Variants in CNTNAP2 observed in about 807,000 individuals in gnomAD.
CNTNAP2 encodes the protein contactin-associated protein-like 2.
Under a neutral mutation model 155.2 loss-of-function variants are expected in CNTNAP2, and 98 were observed. The observed-to-expected ratio is 0.63, with a 90% confidence interval of 0.54 to 0.75. CNTNAP2 has a LOEUF of 0.75. Ranked by LOEUF, CNTNAP2 falls within the 30% of genes least tolerant of loss-of-function variation. The probability of loss-of-function intolerance (pLI) is 0.00; values close to 1 mark genes in which losing one functional copy is unlikely to be tolerated. For synonymous variants in CNTNAP2, 651 were observed against 631.2 expected, an observed-to-expected ratio of 1.03 and a Z score of -0.47; for missense variants, 1,727 against 1,688.1, an observed-to-expected ratio of 1.02 and a Z score of -0.40.
intron 1 of CNTNAP2, among the ~76,000 whole-genome samples, chr7:146,303,100 GTGTGTGT>G (rs1800641865): frequency 1.3e-5 from 2 of 151,808 alleles, no homozygotes; most frequent in African/African-American, 4.8e-5. Flanking sequence ...GTGTGTGTGT[GTGTGTGT>G]GCGCATGCAT....
chr7:148,341,943 T>A (rs1208074707), intron 21 of CNTNAP2, among the ~76,000 whole-genome samples: 1 of 152,210 alleles, frequency 6.6e-6, no homozygotes, highest in Non-Finnish European at 1.5e-5. Flanking sequence ...AAAGGGAATC[T>A]CTTCCCGAGG....
At chr7:147,759,229 A>G (rs1463923885) in intron 13 of CNTNAP2, among the ~76,000 whole-genome samples, 3 of 152,182 alleles carry the variant, frequency 2.0e-5, no homozygotes, top group African/African-American at 4.8e-5. Flanking sequence ...AATTATGTTC[A>G]ATGTAAAAAT....
At chr7:146,578,806 G>A (rs540342749) in intron 1 of CNTNAP2, among the ~76,000 whole-genome samples, 31 of 152,020 alleles carry the variant, frequency 2.0e-4, no homozygotes, top group Middle Eastern at 3.4e-3. Context: ...TATAACTGTG[G>A]GTTTGTTACT....
rs930275300 is a variant in CNTNAP2 at position 148,261,650 on chromosome 7, C to T, written c.3382-5383C>T. On this transcript the variant is annotated intron_variant, in intron 20 of 23. Transcript: ENST00000361727. The stretch of plus-strand genomic sequence containing the variant: ...TGCTGGGGGAGCGACAGGCTGGCTG[C>T]CCTCTGGAGTGCAGGTGGGGGAGCA... Among the ~76,000 whole-genome samples, 8 of 152,208 alleles carry T rather than the reference C, an allele frequency of 5.3e-5. No individual in the cohort carries two copies. The East Asian group carries it at 5.8e-4, about 11-fold the overall frequency.
intron 3 of CNTNAP2, among the ~76,000 whole-genome samples, chr7:146,901,459 C>G (rs1338104471): frequency 2.6e-5 from 4 of 152,106 alleles, no homozygotes; most frequent in Non-Finnish European, 4.4e-5. Context: ...AATTAAAGAG[C>G]ATTACACTTT....
chr7:147,143,978 T>G (rs930329883), intron 8 of CNTNAP2, among the ~76,000 whole-genome samples: 1 of 152,206 alleles, frequency 6.6e-6, no homozygotes, highest in Admixed American at 6.5e-5. Context: ...TAATTTAGTT[T>G]TATTCTTTTC....
chr7:147,138,365 C>A (rs1454285543), intron 8 of CNTNAP2, among the ~76,000 whole-genome samples: 1 of 151,812 alleles, frequency 6.6e-6, no homozygotes, highest in East Asian at 1.9e-4. Context: ...AAATAAGATA[C>A]CCTTGGACAT....
chr7:146,701,415 C>T (rs150192097), intron 1 of CNTNAP2, among the ~76,000 whole-genome samples: 9 of 152,248 alleles, frequency 5.9e-5, no homozygotes, highest in Admixed American at 5.9e-4. Flanking sequence ...AATGCCCATA[C>T]TCTACTGGTT....
chr7:146,163,403 G>A (rs777549013), intron 1 of CNTNAP2, among the ~76,000 whole-genome samples: 18 of 150,062 alleles, frequency 1.2e-4, no homozygotes, highest in Non-Finnish European at 1.5e-4. Flanking sequence ...GTGAAACTCC[G>A]TCTCTACTAA....
chr7:146,414,211 T>C (rs910328840), intron 1 of CNTNAP2, among the ~76,000 whole-genome samples: 1 of 152,196 alleles, frequency 6.6e-6, no homozygotes, highest in Non-Finnish European at 1.5e-5. Context: ...TTCTTAGTGG[T>C]TATCAACTAA....
intron 10 of CNTNAP2, among the ~76,000 whole-genome samples, chr7:147,407,703 T>C (rs1322130626): frequency 6.6e-6 from 1 of 152,144 alleles, no homozygotes; most frequent in Non-Finnish European, 1.5e-5. Flanking sequence ...GTTAAAACTA[T>C]GTTAAGAAGC....
chr7:146,747,492 T>G (rs1240552214), intron 1 of CNTNAP2, among the ~76,000 whole-genome samples: 2 of 152,166 alleles, frequency 1.3e-5, no homozygotes, highest in Non-Finnish European at 2.9e-5. Context: ...TCTGTCAGAA[T>G]GATTTTGTCT....
intron 21 of CNTNAP2, among the ~76,000 whole-genome samples, chr7:148,300,780 T>C (rs570533306): frequency 6.6e-6 from 1 of 152,192 alleles, no homozygotes; most frequent in African/African-American, 2.4e-5. Flanking sequence ...GGACAAATAC[T>C]GTATGATTCC....
chr7:146,568,316 G>A (rs906815053), intron 1 of CNTNAP2, among the ~76,000 whole-genome samples: 1 of 152,160 alleles, frequency 6.6e-6, no homozygotes, highest in Non-Finnish European at 1.5e-5. Context: ...AGTATCTCTG[G>A]CTGTGTTCTT....
intron 8 of CNTNAP2, among the ~76,000 whole-genome samples, chr7:147,292,957 G>A (rs1003390415): frequency 3.9e-5 from 6 of 151,968 alleles, no homozygotes; most frequent in Admixed American, 2.0e-4. Flanking sequence ...TAGTAGAGAC[G>A]GGGTTTCACC....
intron 13 of CNTNAP2, among the ~76,000 whole-genome samples, chr7:147,668,371 T>G (rs961444207): frequency 2.6e-5 from 4 of 152,292 alleles, no homozygotes; most frequent in Middle Eastern, 3.4e-3. Flanking sequence ...TTCATAAACA[T>G]ATTTCTGAAA....
chr7:147,778,514 G>A (rs779959704), intron 13 of CNTNAP2, among the ~76,000 whole-genome samples: 1 of 152,130 alleles, frequency 6.6e-6, no homozygotes, highest in African/African-American at 2.4e-5. Context: ...TTAAAATTTG[G>A]AGAAAAGAAA....
At chr7:146,739,328 G>T (rs527567724) in intron 1 of CNTNAP2, among the ~76,000 whole-genome samples, 1 of 151,684 alleles carries the variant, frequency 6.6e-6, no homozygotes, top group Non-Finnish European at 1.5e-5. Context: ...CTCTCCCAGG[G>T]GTTTTGGTAT....
chr7:148,354,118 C>T (rs1003730465), intron 21 of CNTNAP2, among the ~76,000 whole-genome samples: 2 of 150,650 alleles, frequency 1.3e-5, no homozygotes, highest in East Asian at 1.9e-4. Context: ...TTTAAAAACT[C>T]GATAAACCCA....
Sources: allele counts gnomAD v4.1 joint callset (sites outside exome capture counted in the v4.1 genomes callset), GRCh38; gene constraint gnomAD v4.1.1; transcripts MANE v1.5; gene names NCBI Gene and HGNC (gene_info 2026-07-23, HGNC 2026-07-21).